PRIM2: variants seen among roughly 807,000 people sequenced by gnomAD.
The protein encoded by PRIM2 is DNA primase large subunit.
A neutral mutation model predicts 67.3 loss-of-function variants in PRIM2; 39 were observed. The observed-to-expected ratio is 0.58, with a 90% confidence interval of 0.45 to 0.76. The LOEUF is 0.76. Ranked by LOEUF, PRIM2 falls within the 30% of genes least tolerant of loss-of-function variation. PRIM2 has a pLI of 0.00. For missense variants in PRIM2, 398 were observed against 598.7 expected, an observed-to-expected ratio of 0.66 and a Z score of 3.50; for synonymous variants, 143 against 198.7, an observed-to-expected ratio of 0.72 and a Z score of 2.36.
At chr6:57,356,359 A>G (rs1240258797) in intron 5 of PRIM2, among the ~76,000 whole-genome samples, 1 of 152,214 alleles carries the variant, frequency 6.6e-6, no homozygotes, top group Non-Finnish European at 1.5e-5. Context: ...TAAGTACACA[A>G]CAAATATTAA....
intron 7 of PRIM2, among the ~76,000 whole-genome samples, chr6:57,413,234 G>A (rs1771148423): frequency 6.6e-6 from 1 of 151,840 alleles, no homozygotes; most frequent in Non-Finnish European, 1.5e-5. Context: ...AAATTTGATA[G>A]TTGTCTAACA....
intron 10 of PRIM2, among the ~76,000 whole-genome samples, chr6:57,596,619 T>A (rs1234167383): frequency 6.9e-6 from 1 of 144,128 alleles, no homozygotes; most frequent in Non-Finnish European, 1.5e-5. Context: ...TTTCACTATA[T>A]TTAAATTATA....
At chr6:57,242,750 G>T in the PRIM2 span, among the ~76,000 whole-genome samples, 1 of 152,054 alleles carries the variant, frequency 6.6e-6, no homozygotes, top group African/African-American at 2.4e-5. Flanking sequence ...TTTATTTGGA[G>T]CCTTGAAAAG....
At chr6:57,483,976 G>A (rs1449767221) in intron 7 of PRIM2, among the ~76,000 whole-genome samples, 1 of 152,168 alleles carries the variant, frequency 6.6e-6, no homozygotes, top group Non-Finnish European at 1.5e-5. Flanking sequence ...AAAGTGGCCT[G>A]AGTTTGGTCC....
intron 12 of PRIM2, among the ~76,000 whole-genome samples, chr6:57,620,669 A>T (rs1471757909): frequency 6.6e-6 from 1 of 152,208 alleles, no homozygotes; most frequent in African/African-American, 2.4e-5. Flanking sequence ...AAAAACAAAA[A>T]CAAAAAACCA....
intron 10 of PRIM2, among the ~76,000 whole-genome samples, chr6:57,547,631 C>T (rs1298508205): frequency 6.6e-6 from 1 of 152,180 alleles, no homozygotes; most frequent in Non-Finnish European, 1.5e-5. Flanking sequence ...TGTCAGATTG[C>T]TCATAGTGTT....
At chr6:57,511,137 G>T (rs1774357209) in intron 8 of PRIM2, among the ~76,000 whole-genome samples, 1 of 152,084 alleles carries the variant, frequency 6.6e-6, no homozygotes, top group Non-Finnish European at 1.5e-5. Context: ...CATTTTACAG[G>T]ATTTAGAGAC....
chr6:57,288,255 C>T, the PRIM2 span, among the ~76,000 whole-genome samples: 2 of 151,848 alleles, frequency 1.3e-5, no homozygotes, highest in Non-Finnish European at 2.9e-5. Flanking sequence ...CTTGAATAGG[C>T]GGTTTGGTGC....
chr6:57,278,669 T>C, the PRIM2 span, among the ~76,000 whole-genome samples: 5 of 152,202 alleles, frequency 3.3e-5, no homozygotes, highest in South Asian at 1.0e-3. Flanking sequence ...ATGTGTTTTT[T>C]TTTTCTTCTT....
chr6:57,488,690 G>T (rs1409617498), intron 7 of PRIM2, among the ~76,000 whole-genome samples: 1 of 152,190 alleles, frequency 6.6e-6, no homozygotes, highest in Non-Finnish European at 1.5e-5. Context: ...GCAATTGTTG[G>T]ATTCCTGAAG....
chr6:57,478,192 A>T (rs1159555070), intron 7 of PRIM2, among the ~76,000 whole-genome samples: 4 of 152,158 alleles, frequency 2.6e-5, no homozygotes, highest in Non-Finnish European at 5.9e-5. Flanking sequence ...ACTGCCTTTT[A>T]AAAAAATTAC....
chr6:57,299,130 G>C, the PRIM2 span, among the ~76,000 whole-genome samples: 1 of 152,126 alleles, frequency 6.6e-6, no homozygotes, highest in African/African-American at 2.4e-5. Context: ...TAGGAGTCCA[G>C]TAAGATAATG....
chr6:57,304,508 C>T, the PRIM2 span, among the ~76,000 whole-genome samples: 112,723 of 152,100 alleles, frequency 0.74, 41,953 homozygotes, highest in East Asian at 0.94. Context: ...TGCCATTCCA[C>T]TGGAGAAAGC....
At chr6:57,383,490 A>G (rs1770029576) in intron 7 of PRIM2, 1 of 151,696 alleles carries the variant, frequency 6.6e-6, no homozygotes, top group Non-Finnish European at 1.5e-5. Context: ...CTTCTTACCA[A>G]ATTTTTAATT....
At chr6:57,314,523 A>G (rs192574472), upstream of PRIM2, among the ~76,000 whole-genome samples, 3 of 152,400 alleles carry the variant, frequency 2.0e-5, no homozygotes, top group Non-Finnish European at 4.4e-5. Flanking sequence ...CTCAAAAAAC[A>G]AAACAAAACC....
intron 7 of PRIM2, among the ~76,000 whole-genome samples, chr6:57,445,872 T>G (rs191699704): frequency 6.6e-6 from 1 of 152,328 alleles, no homozygotes; most frequent in African/African-American, 2.4e-5. Context: ...GGGTTGTGCT[T>G]CCTGCAGTTC....
chr6:57,509,436 T>C (rs1774317215), intron 8 of PRIM2, among the ~76,000 whole-genome samples: 2 of 152,246 alleles, frequency 1.3e-5, no homozygotes. Context: ...AGTATATCTC[T>C]TGCTATCATA....
At chr6:57,598,392 A>G (rs1776405928) in intron 10 of PRIM2, among the ~76,000 whole-genome samples, 1 of 152,212 alleles carries the variant, frequency 6.6e-6, no homozygotes, top group South Asian at 2.1e-4. Flanking sequence ...GTTTTTGCCC[A>G]AATGACCACT....
rs1188422791 is a variant in PRIM2 at position 57,483,878 on chromosome 6, A to G, written c.694-23509A>G. Among the ~76,000 whole-genome samples the G allele has an allele frequency of 3.8e-3, 586 of 152,346 alleles. 1 individual carries two copies. The highest frequency in any genetic ancestry group is 5.5e-3 in the Non-Finnish European group (375 of 68,032). On this transcript the variant is annotated intron_variant, in intron 7 of 13. Transcript: ENST00000615550. ...GAAATGTAAGGTTACATAACTTGCA[A>G]TGAAATGTAAGCCAGTATTGGTCTA...
Sources: allele counts gnomAD v4.1 joint callset (sites outside exome capture counted in the v4.1 genomes callset), GRCh38; gene constraint gnomAD v4.1.1; transcripts MANE v1.5; gene names NCBI Gene and HGNC (gene_info 2026-07-23, HGNC 2026-07-21).